RADIL: variants seen among roughly 807,000 people sequenced by gnomAD.
RADIL encodes Rap associating with DIL domain.
In RADIL, 99 loss-of-function variants were observed where a neutral mutation model predicts 97.6. The ratio of observed to expected loss-of-function variants is 1.01; its 90% CI spans 0.86 to 1.20. The LOEUF (loss-of-function observed/expected upper bound fraction) is 1.20. Among genes scored for constraint, RADIL ranks in the 50% most tolerant of loss-of-function variants. RADIL has a pLI of 0.00. For synonymous variants in RADIL, 803 were observed against 691.8 expected, an observed-to-expected ratio of 1.16 and a Z score of -2.52; for missense variants, 1,765 against 1,498.9, an observed-to-expected ratio of 1.18 and a Z score of -2.93.
At chr7:4,858,337 G>A (rs563883928) in intron 2 of RADIL, 15 of 152,268 alleles carry the variant, frequency 9.9e-5, no homozygotes, top group Admixed American at 9.2e-4. Flanking sequence ...TCTAGATTAA[G>A]AAAGACTCAA....
chr7:4,799,184 C>T lies in RADIL; in HGVS notation c.*194G>A, dbSNP rs1283514674. On this transcript the variant is annotated 3_prime_UTR_variant, in exon 15 of 15. Coordinates refer to ENST00000399583, the MANE Select transcript of RADIL (RefSeq NM_018059.5). The stretch of plus-strand genomic sequence containing the variant: ...CATAAAAGCTCTGTAACAAACATCA[C>T]AATTTCACGTCATCTGCCATATAAA... 2 of 591,026 alleles carry T rather than the reference C, an allele frequency of 3.4e-6. No homozygotes were observed. Among genetic ancestry groups the T allele is most frequent in the Non-Finnish European group, 6.0e-6 (2 of 330,698 alleles). 36.6% of individuals were successfully genotyped at this position (591,026 alleles called of 1,614,324 possible).
At position 4,835,300 on chromosome 7, in the gene RADIL, C is replaced by T. The variant is rs562693311; in HGVS notation, c.784-61G>A. ...CGAGCAGCACACGGGAAAAGCGTCC[C>T]GTGTCTAGTCACTGGTTGCTGAAGC... On this transcript the variant is annotated intron_variant, in intron 3 of 14. Coordinates refer to ENST00000399583, the MANE Select transcript of RADIL (RefSeq NM_018059.5). The surrounding 1 kb of genome is among the most constrained non-coding windows in gnomAD (Gnocchi z 5.8). 7.3e-5 allele frequency: 115 copies of T among 1,564,780 alleles called. No homozygotes were observed. Among genetic ancestry groups the T allele is most frequent in the Admixed American group, 9.0e-5 (5 of 55,762 alleles).
In RADIL at chr7:4,835,187, G is replaced by A. The variant is rs764138123; in HGVS notation, c.836C>T (p.Thr279Ile). 5.6e-6 allele frequency: 9 copies of A among 1,611,942 alleles called. No homozygotes were observed. The East Asian group carries it at 8.9e-5, about 16-fold the overall frequency. ...NRDRHTVGQRTPSSKPSISLS... is the reference protein window; with the variant it reads ...NRDRHTVGQRIPSSKPSISLS... ...GCTGATGCTGGGCTTGCTGGAGGGG[G>A]TCCGCTGGCCCACCGTGTGCCGGTC... is the stretch of plus-strand genomic sequence containing the variant. The change falls in exon 4 of 15, where the codon ACC becomes ATC. Residue 279 changes from threonine (T) to isoleucine (I), a missense_variant. By Grantham distance (89) the Thr-to-Ile change is moderately conservative. Coordinates refer to ENST00000399583, the MANE Select transcript of RADIL (RefSeq NM_018059.5). The surrounding 1 kb of genome is among the most constrained non-coding windows in gnomAD (Gnocchi z 5.8).
intron 2 of RADIL, among the ~76,000 whole-genome samples, chr7:4,852,356 A>G (rs1046680693): frequency 1.3e-5 from 2 of 152,240 alleles, no homozygotes; most frequent in East Asian, 1.9e-4. Context: ...GGAACGGAAC[A>G]AAAGAACTTC....
chr7:4,871,324 C>T (rs899953402), intron 2 of RADIL, among the ~76,000 whole-genome samples: 5 of 152,218 alleles, frequency 3.3e-5, no homozygotes, highest in African/African-American at 1.2e-4. Flanking sequence ...TGAAAACAAC[C>T]ACAAAGAGGT....
In RADIL at chr7:4,822,572, C is replaced by G; in HGVS notation, c.1455-18G>C. On this transcript the variant is annotated intron_variant, in intron 5 of 14. Transcript: ENST00000399583. This position sits in a 1 kb window ranked among gnomAD's most constrained non-coding sequence, Gnocchi z 5.3. ...GCTCCTGGCTACCAAGACAGAAAGA[C>G]TAAGAGTTACGCGGGGACCCGACCC... 6.2e-7 allele frequency: 1 copy of G among 1,610,818 alleles called. No homozygotes were observed. The highest frequency in any genetic ancestry group is 8.5e-7 in the Non-Finnish European group (1 of 1,179,026).
intron 2 of RADIL, among the ~76,000 whole-genome samples, chr7:4,876,155 A>AT (rs1312802876): frequency 6.6e-6 from 1 of 151,066 alleles, no homozygotes; most frequent in Non-Finnish European, 1.5e-5. Flanking sequence ...TGCCTGGCTA[A>AT]TTTTTTTATT....
rs977938959 is a variant in RADIL at position 4,813,336 on chromosome 7, G to A, written c.2139+1942C>T. 2.6e-5 allele frequency among the ~76,000 whole-genome samples: 4 copies of A among 152,102 alleles called. No homozygotes were observed. Among genetic ancestry groups the A allele is most frequent in the African/African-American group, 7.2e-5 (3 of 41,398 alleles). On this transcript the variant is annotated intron_variant, in intron 9 of 14. Coordinates refer to ENST00000399583, the MANE Select transcript of RADIL (RefSeq NM_018059.5). The surrounding 1 kb of genome is among the most constrained non-coding windows in gnomAD (Gnocchi z 5.0). ...TTACTTCCCAAGGGGTCCTGGACTC[G>A]TCATCTCTGTCTCCTCTACACTGTG...
intron 9 of RADIL, among the ~76,000 whole-genome samples, chr7:4,812,805 C>T (rs1314287417): frequency 6.6e-6 from 1 of 152,202 alleles, no homozygotes; most frequent in Non-Finnish European, 1.5e-5. Context: ...TGATTTTTAG[C>T]TCTCATCCGT....
rs1161863716 is a variant in RADIL at position 4,849,827 on chromosome 7, A to C, written c.536-13222T>G. On this transcript the variant is annotated intron_variant, in intron 2 of 14. Transcript: ENST00000399583. This position sits in a 1 kb window ranked among gnomAD's most constrained non-coding sequence, Gnocchi z 5.4. The stretch of plus-strand genomic sequence containing the variant: ...CACAGATCACAATCTGTGTTGAAAT[A>C]AATCTTTAGCTACAATACAGCTTAA... 6.6e-6 allele frequency among the ~76,000 whole-genome samples: 1 copy of C among 152,230 alleles called. No homozygotes were observed. Among genetic ancestry groups the C allele is most frequent in the Non-Finnish European group, 1.5e-5 (1 of 68,036 alleles).
chr7:4,810,436 C>T (rs971819528), intron 9 of RADIL, among the ~76,000 whole-genome samples: 2 of 152,166 alleles, frequency 1.3e-5, no homozygotes, highest in African/African-American at 4.8e-5. Flanking sequence ...CCCAAAGTGC[C>T]CAGCCGACGG....
intron 2 of RADIL, among the ~76,000 whole-genome samples, chr7:4,866,967 C>A (rs1175674508): frequency 6.6e-6 from 1 of 152,144 alleles, no homozygotes; most frequent in Non-Finnish European, 1.5e-5. Flanking sequence ...AAAGCCAGGG[C>A]ACCCCTCAGG....
chr7:4,869,983 A>T (rs1784216354), intron 2 of RADIL, among the ~76,000 whole-genome samples: 1 of 152,192 alleles, frequency 6.6e-6, no homozygotes, highest in Non-Finnish European at 1.5e-5. Flanking sequence ...AAAATAAAAT[A>T]AAGAAATAAG....
In RADIL at chr7:4,799,167, C is replaced by G. The variant is rs1781992540; in HGVS notation, c.*211G>C. 4 of 580,504 alleles carry G rather than the reference C, an allele frequency of 6.9e-6. No homozygotes were observed. The highest frequency in any genetic ancestry group is 1.2e-5 in the Non-Finnish European group (4 of 324,162). The allele number at this position is 580,504 out of a possible 1,614,324, so 36.0% of individuals were successfully genotyped here. ...CCATTGAAGTCTTTAAACATAAAAGCTCTGTAACAAACATCACAATTTCAC... is the reference window on the plus strand; with the variant it reads ...CCATTGAAGTCTTTAAACATAAAAGGTCTGTAACAAACATCACAATTTCAC... On this transcript the variant is annotated 3_prime_UTR_variant, in exon 15 of 15. Transcript: ENST00000399583.
intron 2 of RADIL, 50 bp downstream of exon 2, chr7:4,877,555 T>G (rs945166682): frequency 4.0e-5 from 61 of 1,536,382 alleles, no homozygotes; most frequent in Non-Finnish European, 5.2e-5. Flanking sequence ...TCGGCTGGCC[T>G]TCTCAGCGCT....
chr7:4,802,173 C>T (rs996117648), intron 11 of RADIL, among the ~76,000 whole-genome samples, 178 bp from the exon 12 acceptor site: 6 of 152,164 alleles, frequency 3.9e-5, no homozygotes, highest in Admixed American at 1.3e-4. Context: ...CCCCGCCATC[C>T]GGAGCACAGC....
At chr7:4,805,771 CAA>C in intron 9 of RADIL, 55 bp from the exon 10 acceptor site, 1 of 1,561,154 alleles carries the variant, frequency 6.4e-7, no homozygotes, top group Non-Finnish European at 8.7e-7. Context: ...GACCCCAGCC[CAA>C]AGAGGGATGG....
intron 2 of RADIL, chr7:4,860,102 A>G (rs1783942584): frequency 1.2e-6 from 2 of 1,613,898 alleles, no homozygotes; most frequent in African/African-American, 1.3e-5. Context: ...AGTAGCCTGT[A>G]TGTTAGCCAC....
chr7:4,800,826 C>T lies in RADIL; in HGVS notation c.2843-516G>A, dbSNP rs935177319. ...ACTTAGGTCAGAGATGAGCTGTGCACCTGAGCAAGTGGCCTGCCTGGGACC... is the reference window on the plus strand; with the variant it reads ...ACTTAGGTCAGAGATGAGCTGTGCATCTGAGCAAGTGGCCTGCCTGGGACC... On this transcript the variant is annotated intron_variant, in intron 12 of 14. Transcript: ENST00000399583. Among the ~76,000 whole-genome samples, 8 of 152,182 alleles carry T rather than the reference C, an allele frequency of 5.3e-5. 1 individual carries two copies. The highest frequency in any genetic ancestry group is 3.9e-4 in the Admixed American group (6 of 15,292).
Sources: allele counts gnomAD v4.1 joint callset (sites outside exome capture counted in the v4.1 genomes callset), GRCh38; gene constraint gnomAD v4.1.1; non-coding constraint Gnocchi (gnomAD v3.1); transcripts MANE v1.5; gene names NCBI Gene and HGNC (gene_info 2026-07-23, HGNC 2026-07-21).